VPS13B: variants seen among roughly 807,000 people sequenced by gnomAD.
The protein encoded by VPS13B is vacuolar protein sorting 13 homolog B, also known as intermembrane lipid transfer protein VPS13B.
In VPS13B, 285 loss-of-function variants were observed where a neutral mutation model predicts 426.4. That is an observed-to-expected ratio of 0.67 (90% CI 0.61 to 0.74). The LOEUF (loss-of-function observed/expected upper bound fraction) is 0.74. Among genes scored for constraint, VPS13B ranks in the 30% least tolerant of loss-of-function variants. VPS13B has a pLI of 0.00. For missense variants in VPS13B, 4,537 were observed against 4,782.6 expected (o/e 0.95, Z 1.51); for synonymous variants, 1,676 against 1,676.4 (o/e 1.00, Z 0.01).
intron 19 of VPS13B, among the ~76,000 whole-genome samples, chr8:99,281,867 C>G (rs1327174231): frequency 2.6e-5 from 4 of 152,138 alleles, no homozygotes; most frequent in Non-Finnish European, 5.9e-5. Flanking sequence ...TTGACCCTGT[C>G]TTTGTATCTG....
chr8:99,623,984 A>G (rs1174265940), intron 33 of VPS13B, among the ~76,000 whole-genome samples: 2 of 128,906 alleles, frequency 1.6e-5, no homozygotes, highest in African/African-American at 2.9e-5. Context: ...GGCTATGTCT[A>G]TGAAACATAC....
chr8:99,875,565 G>T lies in VPS13B; in HGVS notation c.11893G>T (p.Val3965Phe), dbSNP rs1167108439. 6.2e-7 allele frequency: 1 copy of T among 1,614,028 alleles called. No homozygotes were observed. Among genetic ancestry groups the T allele is most frequent in the Admixed American group, 1.7e-5 (1 of 59,996 alleles). ...VVAAEPPPST[V>F]KTYHYLVDPH... is the part of the protein sequence containing the mutation. ...GGCTGCAGAACCTCCCCCCTCCACTGTTAAAACATACCATTACCTGGTTGA... is the reference window on the plus strand; with the variant it reads ...GGCTGCAGAACCTCCCCCCTCCACTTTTAAAACATACCATTACCTGGTTGA... The change falls in exon 62 of 62, where the codon GTT (valine) becomes TTT (phenylalanine). Residue 3965 changes from valine (V) to phenylalanine (F), a missense_variant. Val to Phe is a conservative substitution (Grantham distance 50). Transcript: ENST00000357162.
At chr8:99,665,266 G>A (rs1830438560) in intron 35 of VPS13B, among the ~76,000 whole-genome samples, 1 of 152,102 alleles carries the variant, frequency 6.6e-6, no homozygotes, top group Non-Finnish European at 1.5e-5. Context: ...CATTCTGTAG[G>A]TTGCCTGTTC....
At chr8:99,407,175 G>A (rs1028026596) in intron 21 of VPS13B, among the ~76,000 whole-genome samples, 1 of 152,174 alleles carries the variant, frequency 6.6e-6, no homozygotes, top group Admixed American at 6.5e-5. Context: ...TCTTTATAGT[G>A]ATGAACATTT....
At chr8:99,598,908 T>C (rs1041054205) in intron 33 of VPS13B, among the ~76,000 whole-genome samples, 3 of 151,982 alleles carry the variant, frequency 2.0e-5, no homozygotes, top group African/African-American at 7.2e-5. Context: ...AAAATCTCAT[T>C]TGCAAAAAAA....
At chr8:99,794,334 T>C (rs952330458) in intron 43 of VPS13B, among the ~76,000 whole-genome samples, 1 of 152,182 alleles carries the variant, frequency 6.6e-6, no homozygotes, top group African/African-American at 2.4e-5. Flanking sequence ...AGAAGAATTA[T>C]CTGTTGCTGC....
intron 19 of VPS13B, among the ~76,000 whole-genome samples, chr8:99,353,692 A>G (rs577898439): frequency 6.6e-6 from 1 of 151,816 alleles, no homozygotes; most frequent in East Asian, 1.9e-4. Flanking sequence ...GCATTCCTGG[A>G]TCTGCTTATT....
At chr8:99,806,818 C>T (rs1162230873) in intron 43 of VPS13B, among the ~76,000 whole-genome samples, 1 of 152,154 alleles carries the variant, frequency 6.6e-6, no homozygotes, top group Non-Finnish European at 1.5e-5. Context: ...AAGAACAAAA[C>T]CTCTCACGTT....
chr8:99,113,246 A>C (rs1335883063), intron 6 of VPS13B, among the ~76,000 whole-genome samples: 4 of 152,018 alleles, frequency 2.6e-5, no homozygotes, highest in Non-Finnish European at 5.9e-5. Context: ...CTACAGGCGC[A>C]TGTCTCCATC....
chr8:99,118,418 A>C (rs1193900697), intron 7 of VPS13B, among the ~76,000 whole-genome samples: 1 of 152,036 alleles, frequency 6.6e-6, no homozygotes, highest in Non-Finnish European at 1.5e-5. Flanking sequence ...TTGGAGGTTA[A>C]ATCTCCAAAG....
At chr8:99,553,844 A>G (rs545159151) in intron 30 of VPS13B, among the ~76,000 whole-genome samples, 1 of 152,218 alleles carries the variant, frequency 6.6e-6, no homozygotes, top group Non-Finnish European at 1.5e-5. Flanking sequence ...TAATTTTAAA[A>G]GCAAGCAATA....
At chr8:99,440,518 G>C (rs1389538683) in intron 22 of VPS13B, among the ~76,000 whole-genome samples, 6 of 151,952 alleles carry the variant, frequency 3.9e-5, no homozygotes, top group Admixed American at 3.9e-4. Flanking sequence ...TTATGTGATA[G>C]CTTTAGTATA....
chr8:99,635,923 C>G (rs1390393186), intron 33 of VPS13B, among the ~76,000 whole-genome samples: 1 of 151,956 alleles, frequency 6.6e-6, no homozygotes, highest in Non-Finnish European at 1.5e-5. Flanking sequence ...AGCTGGTAAA[C>G]TTACCTATCT....
chr8:99,826,802 G>A (rs1272618334), intron 51 of VPS13B, among the ~76,000 whole-genome samples: 1 of 152,098 alleles, frequency 6.6e-6, no homozygotes, highest in Non-Finnish European at 1.5e-5. Context: ...TTTATCAAAG[G>A]CCTTTTTTGC....
intron 30 of VPS13B, among the ~76,000 whole-genome samples, chr8:99,530,887 A>G (rs1476087269): frequency 6.6e-6 from 1 of 152,306 alleles, no homozygotes; most frequent in South Asian, 2.1e-4. Flanking sequence ...TTGCTCATGC[A>G]CTTTACCACT....
intron 27 of VPS13B, among the ~76,000 whole-genome samples, chr8:99,504,958 T>C (rs186244655): frequency 1.4e-5 from 2 of 144,322 alleles, no homozygotes; most frequent in East Asian, 1.9e-4. Context: ...ACATCTTTTG[T>C]ATAACTTGCT....
intron 16 of VPS13B, among the ~76,000 whole-genome samples, chr8:99,187,260 A>G (rs983589580): frequency 3.3e-5 from 5 of 152,162 alleles, no homozygotes; most frequent in African/African-American, 1.2e-4. Flanking sequence ...GAAATTTGAG[A>G]ACATAGTGGA....
At chr8:99,550,298 A>T (rs1824211650) in intron 30 of VPS13B, among the ~76,000 whole-genome samples, 1 of 152,118 alleles carries the variant, frequency 6.6e-6, no homozygotes, top group Admixed American at 6.6e-5. Context: ...TTTCATGTAG[A>T]AAAAGAGTTA....
chr8:99,520,627 C>A (rs1384265078), intron 29 of VPS13B, among the ~76,000 whole-genome samples: 1 of 151,872 alleles, frequency 6.6e-6, no homozygotes, highest in Admixed American at 6.6e-5. Flanking sequence ...TATTTAATAT[C>A]ATAATTTTTA....
Sources: allele counts gnomAD v4.1 joint callset (sites outside exome capture counted in the v4.1 genomes callset), GRCh38; gene constraint gnomAD v4.1.1; transcripts MANE v1.5; gene names NCBI Gene and HGNC (gene_info 2026-07-23, HGNC 2026-07-21).